The following NBEAL1 variants were observed in gnomAD, a reference collection of about 807,000 sequenced individuals.
The protein encoded by NBEAL1 is neurobeachin like 1.
A neutral mutation model predicts 351.3 loss-of-function variants in NBEAL1; 273 were observed. The observed-to-expected ratio is 0.78, with a 90% CI of 0.70 to 0.86. The LOEUF is 0.86. NBEAL1 is among the 40% of genes least tolerant of loss of function. The pLI, the probability that NBEAL1 is intolerant of heterozygous loss-of-function variation, is 0.00. For missense variants in NBEAL1, 2,961 were observed against 3,201.3 expected (o/e 0.92, Z 1.81); for synonymous variants, 1,050 against 1,086.4 (o/e 0.97, Z 0.66).
chr2:203,109,751 C>T (rs1056076123), intron 14 of NBEAL1, among the ~76,000 whole-genome samples: 1 of 152,156 alleles, frequency 6.6e-6, no homozygotes, highest in Admixed American at 6.5e-5. Flanking sequence ...AACTCCTGAC[C>T]TCAGGTGATC....
chr2:203,208,898 G>A, intron 52 of NBEAL1, 145 bp downstream of exon 52: 2 of 649,300 alleles, frequency 3.1e-6, no homozygotes, highest in South Asian at 2.4e-5. Flanking sequence ...AAGTAGAATA[G>A]ACTTTGCAAA....
chr2:203,111,915 A>G, intron 15 of NBEAL1, 64 bp from the exon 16 acceptor site: 5 of 1,488,872 alleles, frequency 3.4e-6, no homozygotes, highest in Non-Finnish European at 4.5e-6. Context: ...AACTTCTGAA[A>G]GCATTTGTCA....
At chr2:203,206,755 A>G (rs1440042671) in intron 51 of NBEAL1, among the ~76,000 whole-genome samples, 1 of 151,796 alleles carries the variant, frequency 6.6e-6, no homozygotes, top group African/African-American at 2.4e-5. Context: ...CAGTGGCATG[A>G]TCTCGGCTCG....
chr2:203,178,895 C>T (rs150618209), intron 42 of NBEAL1, among the ~76,000 whole-genome samples: 4 of 152,244 alleles, frequency 2.6e-5, no homozygotes, highest in African/African-American at 9.6e-5. Context: ...CTGAATTAAA[C>T]CTTTGAATCA....
intron 4 of NBEAL1, among the ~76,000 whole-genome samples, chr2:203,053,878 G>A (rs1385715315): frequency 6.6e-6 from 1 of 152,106 alleles, no homozygotes; most frequent in Non-Finnish European, 1.5e-5. Flanking sequence ...TCTTTTAATA[G>A]TATTTTGTAA....
intron 4 of NBEAL1, among the ~76,000 whole-genome samples, chr2:203,052,652 G>T (rs1574901211): frequency 6.6e-6 from 1 of 151,878 alleles, no homozygotes; most frequent in Admixed American, 6.6e-5. Flanking sequence ...TGACCTCCTG[G>T]GCTCAATTTA....
At chr2:203,132,697 G>A (rs1267091556) in intron 26 of NBEAL1, among the ~76,000 whole-genome samples, 3 of 152,126 alleles carry the variant, frequency 2.0e-5, no homozygotes, top group Non-Finnish European at 4.4e-5. Context: ...ATTTTTTTCA[G>A]TACTTAATGA....
chr2:203,126,997 C>A, intron 23 of NBEAL1, 71 bp downstream of exon 23: 1 of 1,053,460 alleles, frequency 9.5e-7, no homozygotes, highest in Non-Finnish European at 1.4e-6. Flanking sequence ...AATGTGTAGA[C>A]TGTAGACTTT....
intron 42 of NBEAL1, among the ~76,000 whole-genome samples, chr2:203,178,714 A>C (rs928705861): frequency 2.0e-5 from 3 of 152,240 alleles, no homozygotes; most frequent in African/African-American, 7.2e-5. Flanking sequence ...GATAGTCAGA[A>C]TAGGCAAAAT....
intron 36 of NBEAL1, among the ~76,000 whole-genome samples, chr2:203,161,668 TAAATAAATAAATAAAA>T (rs1366867894): frequency 2.0e-5 from 1 of 51,186 alleles, no homozygotes; most frequent in Non-Finnish European, 4.9e-5. Flanking sequence ...AATAAATAAA[TAAATAAATAAATAAAA>T]GCCAGCATGG....
At chr2:203,108,590 A>C (rs1199226900) in intron 14 of NBEAL1, among the ~76,000 whole-genome samples, 1 of 151,624 alleles carries the variant, frequency 6.6e-6, no homozygotes, top group Non-Finnish European at 1.5e-5. Context: ...TTTTTCGTAG[A>C]GATGGGGTTT....
At position 203,073,726 on chromosome 2, in the gene NBEAL1, C is replaced by A. The variant is rs373118630; in HGVS notation, c.599-4026C>A. On this transcript the variant is annotated intron_variant, in intron 7 of 55. Transcript: ENST00000683969. ...ATTTTCCTCTATTGTTTATTCGTTT[C>A]CTTTTTCATTATTTTTTCTATTATC... Among the ~76,000 whole-genome samples the A allele has an allele frequency of 2.6e-5, 4 of 152,176 alleles. No homozygotes were observed. In the South Asian group the frequency reaches 8.3e-4, roughly 32 times the overall value.
intron 12 of NBEAL1, among the ~76,000 whole-genome samples, chr2:203,107,096 G>A (rs1302384287): frequency 1.3e-5 from 2 of 151,868 alleles, no homozygotes; most frequent in Non-Finnish European, 2.9e-5. Context: ...TACTACTATA[G>A]TAATTACAAA....
At chr2:203,071,335 T>C (rs1414967501) in intron 7 of NBEAL1, among the ~76,000 whole-genome samples, 3 of 152,216 alleles carry the variant, frequency 2.0e-5, no homozygotes, top group African/African-American at 4.8e-5. Context: ...TCCTCACATG[T>C]TGGAAAAAGA....
intron 51 of NBEAL1, among the ~76,000 whole-genome samples, chr2:203,205,938 A>AC (rs1393674581): frequency 6.6e-6 from 1 of 152,254 alleles, no homozygotes; most frequent in Admixed American, 6.5e-5. Context: ...ACCACATGGA[A>AC]CAGGTGGAAG....
intron 35 of NBEAL1, among the ~76,000 whole-genome samples, chr2:203,154,752 G>A (rs1448004501): frequency 6.6e-6 from 1 of 151,862 alleles, no homozygotes; most frequent in Non-Finnish European, 1.5e-5. Context: ...TTGGTTTGTA[G>A]TATGGGCAAC....
intron 7 of NBEAL1, among the ~76,000 whole-genome samples, chr2:203,073,923 A>G (rs993529891): frequency 2.6e-5 from 4 of 152,228 alleles, no homozygotes; most frequent in Non-Finnish European, 4.4e-5. Context: ...TTAAATTAAA[A>G]TGAAGTTTTC....
intron 43 of NBEAL1, 74 bp from the exon 44 acceptor site, chr2:203,183,205 C>G: frequency 2.7e-6 from 2 of 744,436 alleles, no homozygotes; most frequent in Non-Finnish European, 4.5e-6. Flanking sequence ...GGAATGTGCC[C>G]TCATTAGTGT....
chr2:203,203,978 G>C (rs1281100586), intron 51 of NBEAL1, among the ~76,000 whole-genome samples: 2 of 150,754 alleles, frequency 1.3e-5, no homozygotes, highest in Non-Finnish European at 3.0e-5. Context: ...AGCCCAGCTA[G>C]AGTGCAGTGG....
Sources: allele counts gnomAD v4.1 joint callset (sites outside exome capture counted in the v4.1 genomes callset), GRCh38; gene constraint gnomAD v4.1.1; transcripts MANE v1.5; gene names NCBI Gene and HGNC (gene_info 2026-07-23, HGNC 2026-07-21).